PPP3CC: variants seen among roughly 807,000 people sequenced by gnomAD.
PPP3CC encodes protein phosphatase 3 catalytic subunit gamma.
PPP3CC carries 35 observed loss-of-function variants against 60.3 expected under a neutral mutation model. The ratio of observed to expected loss-of-function variants is 0.58; its 90% confidence interval spans 0.44 to 0.77. The LOEUF is 0.77. Ranked by LOEUF, PPP3CC falls within the 30% of genes least tolerant of loss-of-function variation. The pLI, the probability that PPP3CC is intolerant of heterozygous loss-of-function variation, is 0.00. For synonymous variants in PPP3CC, 206 were observed against 224.3 expected, an observed-to-expected ratio of 0.92 and a Z score of 0.73; for missense variants, 570 against 628.9, an observed-to-expected ratio of 0.91 and a Z score of 1.00.
Position 22,497,893 on chromosome 8 carries a change from G to A in PPP3CC, c.373-108G>A, listed in dbSNP as rs189517721. On this transcript the variant is annotated intron_variant, in intron 3 of 13. Coordinates refer to ENST00000240139, the MANE Select transcript of PPP3CC (RefSeq NM_005605.5). ...CAAAAGGTTTCATTTTTCAATTTGG[G>A]AGTAACAATGAGATATGCCATTACA... The A allele has an allele frequency of 6.1e-5, 40 of 659,584 alleles. No homozygotes were observed. The East Asian group carries it at 1.1e-3, about 19-fold the overall frequency. The allele number at this position is 659,584 out of a possible 1,614,324, so 40.9% of individuals were successfully genotyped here. A position where few individuals can be genotyped will look rare whatever the true frequency, so the allele number is the denominator to read the frequency against.
chr8:22,493,154 T>C (rs542079594), intron 3 of PPP3CC: 4 of 1,411,568 alleles, frequency 2.8e-6, no homozygotes, highest in Non-Finnish European at 4.0e-6. Flanking sequence ...GAAGAAGTTA[T>C]TGGGAGCTGC....
intron 1 of PPP3CC, among the ~76,000 whole-genome samples, chr8:22,467,973 G>A (rs569091051): frequency 3.3e-5 from 5 of 152,296 alleles, no homozygotes; most frequent in East Asian, 1.9e-4. Context: ...GAGTCCTTAC[G>A]ACCTAATAAT....
chr8:22,463,866 A>G (rs145121819), intron 1 of PPP3CC, among the ~76,000 whole-genome samples: 2 of 150,690 alleles, frequency 1.3e-5, no homozygotes, highest in Admixed American at 1.3e-4. Context: ...GGCTCACTGC[A>G]ACCTCCGCCT....
At chr8:22,469,260 C>A (rs1267330301) in intron 1 of PPP3CC, among the ~76,000 whole-genome samples, 1 of 152,058 alleles carries the variant, frequency 6.6e-6, no homozygotes, top group Non-Finnish European at 1.5e-5. Context: ...ATCATATATT[C>A]TCACTTATAT....
Position 22,460,845 on chromosome 8 carries a change from CTTTA to C in PPP3CC, c.50-14097_50-14094del, listed in dbSNP as rs1208776286. ...TAAAAATGAAAAAAGAAAATCTTTA[CTTTA>C]TTTATTTATTTTTTGAGATAGAGTC... On this transcript the variant is annotated intron_variant, in intron 1 of 13. Transcript: ENST00000240139. Among the ~76,000 whole-genome samples, 8 of 152,034 alleles carry C rather than the reference CTTTA, an allele frequency of 5.3e-5. No individual in the cohort carries two copies. In the South Asian group the frequency reaches 1.0e-3, roughly 20 times the overall value.
intron 3 of PPP3CC, among the ~76,000 whole-genome samples, chr8:22,485,887 T>G (rs11783838): frequency 0.079 from 12,078 of 152,274 alleles, 657 homozygotes; most frequent in Non-Finnish European, 0.12. Flanking sequence ...TTGCCAGTTT[T>G]GATTGGTGAG....
At position 22,511,215 on chromosome 8, in the gene PPP3CC, T is replaced by C; in HGVS notation, c.614T>C (p.Leu205Ser). Residue 205 changes from leucine to serine, a missense_variant, in exon 5 of 14, where the codon TTA becomes TCA. Leu to Ser is a moderately radical substitution (Grantham distance 145). Coordinates refer to ENST00000240139, the MANE Select transcript of PPP3CC (RefSeq NM_005605.5). ...HGGMSPEITS[L>S]DDIRKLDRFT... Reference sequence around the variant, plus strand: ...GGAATGTCACCTGAAATTACTTCTTTAGATGACATTAGGAAAGTAAGTAAT... The same window carrying C: ...GGAATGTCACCTGAAATTACTTCTTCAGATGACATTAGGAAAGTAAGTAAT... 6.2e-7 allele frequency: 1 copy of C among 1,612,752 alleles called. No individual in the cohort carries two copies. Among genetic ancestry groups the C allele is most frequent in the East Asian group, 2.2e-5 (1 of 44,886 alleles).
intron 3 of PPP3CC, among the ~76,000 whole-genome samples, chr8:22,479,972 A>G (rs192176868): frequency 2.4e-4 from 37 of 152,220 alleles, no homozygotes; most frequent in Admixed American, 2.6e-4. Context: ...GATCTCCGTT[A>G]ATAGTTTCAT....
chr8:22,475,614 T>TC lies in PPP3CC; in HGVS notation c.363dup (p.Ser122GlnfsTer14). The TC allele has an allele frequency of 1.2e-6, 2 of 1,612,984 alleles. No individual in the cohort carries two copies. The highest frequency in any genetic ancestry group is 1.7e-6 in the Non-Finnish European group (2 of 1,179,330). On this transcript the variant is annotated frameshift_variant, in exon 3 of 14. Coordinates refer to ENST00000240139, the MANE Select transcript of PPP3CC (RefSeq NM_005605.5). LOFTEE classifies it high-confidence loss of function. ...GGTGACTATGTGGACAGAGGCTATT[T>TC]CAGTATAGAGGTAAAAATTAAACTG...
intron 1 of PPP3CC, among the ~76,000 whole-genome samples, chr8:22,444,830 A>T (rs1245936589): frequency 6.6e-6 from 1 of 152,206 alleles, no homozygotes; most frequent in Non-Finnish European, 1.5e-5. Flanking sequence ...CAAATGATTA[A>T]ATTGTGATAT....
chr8:22,475,564 T>TA lies in PPP3CC; in HGVS notation c.313dup (p.Ser105LysfsTer2). 6.2e-7 allele frequency: 1 copy of TA among 1,612,492 alleles called. No individual in the cohort carries two copies. The highest frequency in any genetic ancestry group is 8.5e-7 in the Non-Finnish European group (1 of 1,178,624). ...AGTTATTTGAAGTTGGAGGATCACC[T>TA]AGTAACACACGCTACCTCTTTCTGG... is the stretch of plus-strand genomic sequence containing the variant. On this transcript the variant is annotated frameshift_variant, in exon 3 of 14. Transcript: ENST00000240139. LOFTEE classifies it high-confidence loss of function.
intron 6 of PPP3CC, among the ~76,000 whole-genome samples, chr8:22,517,947 A>C (rs1279712779): frequency 6.6e-6 from 1 of 151,660 alleles, no homozygotes; most frequent in Non-Finnish European, 1.5e-5. Flanking sequence ...AAGGTTGTTT[A>C]ATTCAGATCT....
intron 4 of PPP3CC, among the ~76,000 whole-genome samples, chr8:22,507,634 A>G (rs909398606): frequency 2.0e-5 from 3 of 152,248 alleles, no homozygotes; most frequent in Admixed American, 6.5e-5. Flanking sequence ...TGTGAGTATT[A>G]AATACTTTCA....
At chr8:22,444,449 A>T (rs9785086) in intron 1 of PPP3CC, among the ~76,000 whole-genome samples, 27,683 of 152,108 alleles carry the variant, frequency 0.18, 4,792 homozygotes, top group African/African-American at 0.46. Context: ...AACATTTGAA[A>T]ATATCAGAAA....
At position 22,513,411 on chromosome 8, in the gene PPP3CC, G is replaced by A. The variant is rs142268010; in HGVS notation, c.749G>A (p.Arg250Gln). The change falls in exon 6 of 14, where the codon CGA (arginine) becomes CAA (glutamine). Residue 250 changes from arginine to glutamine, a missense_variant. Transcript: ENST00000240139. ...GAGCACTATACCCACAACACTGTCC[G>A]AGGGTGCTCTTATTTCTACAGGTAA... ...TLEHYTHNTV[R>Q]GCSYFYSYPA... The A allele has an allele frequency of 9.3e-6, 15 of 1,606,308 alleles. No homozygotes were observed. Among genetic ancestry groups the A allele is most frequent in the South Asian group, 6.7e-5 (6 of 88,958 alleles).
At chr8:22,459,718 C>T (rs1837312063) in intron 1 of PPP3CC, among the ~76,000 whole-genome samples, 1 of 151,972 alleles carries the variant, frequency 6.6e-6, no homozygotes, top group Non-Finnish European at 1.5e-5. Context: ...ATGTTTGTGA[C>T]CCCCCAGAAT....
intron 1 of PPP3CC, among the ~76,000 whole-genome samples, chr8:22,446,781 G>C (rs976325891): frequency 1.8e-4 from 25 of 139,418 alleles, no homozygotes; most frequent in African/African-American, 6.5e-4. Context: ...ACTCTAGTCT[G>C]GGTGACAGAG....
At chr8:22,476,248 A>G (rs1837884403) in intron 3 of PPP3CC, among the ~76,000 whole-genome samples, 1 of 152,266 alleles carries the variant, frequency 6.6e-6, no homozygotes, top group Admixed American at 6.5e-5. Context: ...GGACTTGAGT[A>G]CAGTGGAACC....
At chr8:22,449,273 C>T (rs1836931827) in intron 1 of PPP3CC, among the ~76,000 whole-genome samples, 1 of 151,618 alleles carries the variant, frequency 6.6e-6, no homozygotes, top group Admixed American at 6.6e-5. Context: ...CATGGTGAAA[C>T]CCCGTGTCTA....
Sources: gnomAD v4.1 joint callset for allele counts (sites outside exome capture counted in the v4.1 genomes callset) on GRCh38, gnomAD v4.1.1 for gene constraint, MANE v1.5 for transcripts, NCBI Gene and HGNC (gene_info 2026-07-23, HGNC 2026-07-21) for gene names.